The following DOCK10 variants were observed in gnomAD, a reference collection of about 807,000 sequenced individuals.
DOCK10 encodes the protein dedicator of cytokinesis 10.
A neutral mutation model predicts 280.1 loss-of-function variants in DOCK10; 145 were observed. That is an observed-to-expected ratio of 0.52 (90% CI 0.45 to 0.59). The LOEUF is 0.59. DOCK10 is among the 20% of genes least tolerant of loss of function. The pLI, the probability that DOCK10 is intolerant of heterozygous loss-of-function variation, is 0.00. For missense variants in DOCK10, 2,368 were observed against 2,651.7 expected (o/e 0.89, Z 2.35); for synonymous variants, 915 against 942.2 (o/e 0.97, Z 0.53).
chr2:224,906,736 C>A (rs1700667237), intron 3 of DOCK10, among the ~76,000 whole-genome samples: 1 of 152,234 alleles, frequency 6.6e-6, no homozygotes, highest in Non-Finnish European at 1.5e-5. Context: ...GCCTTGGCCT[C>A]CCAAAGTGCT....
chr2:225,036,895 C>G (rs1198647054), intron 1 of DOCK10, among the ~76,000 whole-genome samples: 1 of 145,318 alleles, frequency 6.9e-6, no homozygotes, highest in African/African-American at 2.5e-5. Flanking sequence ...TCTAACTTTC[C>G]TAATACTGTT....
chr2:224,836,995 T>G (rs1351779947), intron 25 of DOCK10, among the ~76,000 whole-genome samples: 1 of 152,128 alleles, frequency 6.6e-6, no homozygotes, highest in Admixed American at 6.5e-5. Context: ...GAAAAAGCTA[T>G]GTCTCAAAAA....
At chr2:224,820,386 A>C (rs937712237) in intron 28 of DOCK10, among the ~76,000 whole-genome samples, 1 of 152,234 alleles carries the variant, frequency 6.6e-6, no homozygotes, top group South Asian at 2.1e-4. Flanking sequence ...GGAAGGGACC[A>C]TAGTTCCCAA....
intron 1 of DOCK10, among the ~76,000 whole-genome samples, chr2:225,005,573 A>G (rs1445236450): frequency 6.6e-6 from 1 of 152,208 alleles, no homozygotes; most frequent in Admixed American, 6.5e-5. Context: ...GTATTCTTTG[A>G]CGTAAACAGG....
At position 224,807,732 on chromosome 2, in the gene DOCK10, A is replaced by G; in HGVS notation, c.3638T>C (p.Leu1213Pro). The G allele has an allele frequency of 1.3e-6, 2 of 1,574,372 alleles. No individual in the cohort carries two copies. Among genetic ancestry groups the G allele is most frequent in the Non-Finnish European group, 1.7e-6 (2 of 1,158,356 alleles). Residue 1213 changes from leucine to proline, a missense_variant, in exon 33 of 56, where the codon CTG becomes CCG. Coordinates refer to ENST00000258390, the MANE Select transcript of DOCK10 (RefSeq NM_014689.3). ...CAGATAAATCCTTGGCATATTGTCC[A>G]GGAGCATGCCGTACAGGGGCATGTA... The part of the protein sequence containing the change: ...SLYMPLYGML[L>P]DNMPRIYLKD...
At chr2:224,884,258 G>A (rs1048502614) in intron 7 of DOCK10, among the ~76,000 whole-genome samples, 1 of 152,142 alleles carries the variant, frequency 6.6e-6, no homozygotes, top group Admixed American at 6.5e-5. Context: ...GAAATAGGCC[G>A]GGACTAAATG....
chr2:224,797,780 A>C lies in DOCK10; in HGVS notation c.4644+52T>G, dbSNP rs554601322. 7.3e-5 allele frequency: 115 copies of C among 1,572,990 alleles called. No individual in the cohort carries two copies. In the South Asian group the frequency reaches 1.1e-3, roughly 16 times the overall value. ...AGGATTCCTATAGGTTTACTATTCTATGGGTTTACTGTCATCCTACCTAAA... is the reference window on the plus strand; with the variant it reads ...AGGATTCCTATAGGTTTACTATTCTCTGGGTTTACTGTCATCCTACCTAAA... On this transcript the variant is annotated intron_variant, in intron 42 of 55. Coordinates refer to ENST00000258390, the MANE Select transcript of DOCK10 (RefSeq NM_014689.3).
At chr2:224,807,874 A>G in intron 32 of DOCK10, 37 bp downstream of exon 32, 2 of 1,597,380 alleles carry the variant, frequency 1.3e-6, no homozygotes, top group East Asian at 4.5e-5. Flanking sequence ...GAGCCATTAA[A>G]TGGTGTTTAG....
intron 2 of DOCK10, among the ~76,000 whole-genome samples, chr2:224,927,681 T>C (rs986266856): frequency 1.3e-5 from 2 of 152,234 alleles, no homozygotes; most frequent in African/African-American, 2.4e-5. Flanking sequence ...TTTTCATCCA[T>C]AAAAGGGCAT....
At chr2:225,036,705 A>G (rs533941651) in intron 1 of DOCK10, among the ~76,000 whole-genome samples, 2 of 152,338 alleles carry the variant, frequency 1.3e-5, no homozygotes, top group African/African-American at 4.8e-5. Flanking sequence ...AAGTTTCAGT[A>G]TAAGTTAATG....
chr2:224,769,041 G>A (rs922776215), intron 55 of DOCK10: 15 of 407,760 alleles, frequency 3.7e-5, no homozygotes, highest in East Asian at 1.5e-4. Context: ...CCACCTTCCC[G>A]AACTTTCAGA....
At chr2:224,796,283 T>A (rs1692570046) in intron 44 of DOCK10, 33 bp downstream of exon 44, 2 of 1,321,238 alleles carry the variant, frequency 1.5e-6, no homozygotes, top group Non-Finnish European at 2.1e-6. Flanking sequence ...TTTAAAAAAA[T>A]TCTGCAGTAA....
chr2:224,767,796 A>G (rs1690155679), intron 55 of DOCK10, among the ~76,000 whole-genome samples: 1 of 151,910 alleles, frequency 6.6e-6, no homozygotes, highest in Admixed American at 6.6e-5. Context: ...ATCAACTCTC[A>G]CTTCTAGTGT....
chr2:224,954,748 G>A (rs565974517), intron 1 of DOCK10, among the ~76,000 whole-genome samples: 7 of 152,202 alleles, frequency 4.6e-5, no homozygotes, highest in Admixed American at 1.3e-4. Context: ...TCTTTACAAA[G>A]GCATGCAGCT....
intron 30 of DOCK10, among the ~76,000 whole-genome samples, chr2:224,815,787 G>A (rs1383982772): frequency 2.0e-5 from 3 of 152,118 alleles, no homozygotes; most frequent in Non-Finnish European, 4.4e-5. Flanking sequence ...TGTAATCCCA[G>A]CACTTTCAGA....
At chr2:224,862,810 A>C in intron 13 of DOCK10, 64 bp from the exon 14 acceptor site, 1 of 932,722 alleles carries the variant, frequency 1.1e-6, no homozygotes, top group Non-Finnish European at 1.6e-6. Flanking sequence ...CATATAAAAT[A>C]ATACTAAATA....
intron 10 of DOCK10, 29 bp from the exon 11 acceptor site, chr2:224,874,180 C>A (rs1464338851): frequency 3.8e-6 from 6 of 1,575,600 alleles, no homozygotes; most frequent in South Asian, 1.2e-5. Flanking sequence ...AGTCACCAAA[C>A]ATCCAACATA....
At chr2:224,872,470 T>C (rs561994370) in intron 11 of DOCK10, among the ~76,000 whole-genome samples, 14 of 152,302 alleles carry the variant, frequency 9.2e-5, no homozygotes, top group African/African-American at 3.4e-4. Flanking sequence ...ACGGCACATC[T>C]CATTTGAGTC....
chr2:224,779,884 A>C (rs1002562461), intron 50 of DOCK10, among the ~76,000 whole-genome samples: 4 of 152,164 alleles, frequency 2.6e-5, no homozygotes, highest in Non-Finnish European at 5.9e-5. Flanking sequence ...GCTTCCTTGC[A>C]CATCTCCCTA....
Sources: gnomAD v4.1 joint callset for allele counts (sites outside exome capture counted in the v4.1 genomes callset) on GRCh38, gnomAD v4.1.1 for gene constraint, MANE v1.5 for transcripts, NCBI Gene and HGNC (gene_info 2026-07-23, HGNC 2026-07-21) for gene names.